Variants in EFCAB5 observed in about 807,000 individuals in gnomAD.
EFCAB5 encodes the protein EF-hand calcium binding domain 5.
EFCAB5 carries 131 observed loss-of-function variants against 167.9 expected under a neutral mutation model. That is an observed-to-expected ratio of 0.78 (90% CI 0.68 to 0.90). The LOEUF (loss-of-function observed/expected upper bound fraction) is 0.90. Ranked by LOEUF, EFCAB5 falls within the 40% of genes least tolerant of loss-of-function variation. EFCAB5 has a pLI of 0.00. For missense variants in EFCAB5, 1,663 were observed against 1,745.2 expected (o/e 0.95, Z 0.84); for synonymous variants, 574 against 602.8 (o/e 0.95, Z 0.70).
intron 7 of EFCAB5, among the ~76,000 whole-genome samples, chr17:30,013,184 T>A (rs1375153293): frequency 7.9e-5 from 12 of 152,240 alleles, no homozygotes; most frequent in Admixed American, 7.9e-4. Flanking sequence ...CTTTTTGATG[T>A]GCTGCTGGAT....
intron 4 of EFCAB5, among the ~76,000 whole-genome samples, chr17:29,990,198 G>A (rs577472618): frequency 7.9e-5 from 12 of 152,238 alleles, no homozygotes; most frequent in South Asian, 6.2e-4. Context: ...TAAATTGAGC[G>A]GGTTGAATTG....
intron 3 of EFCAB5, among the ~76,000 whole-genome samples, chr17:29,953,942 G>T (rs2151542597): frequency 6.6e-6 from 1 of 152,308 alleles, no homozygotes; most frequent in South Asian, 2.1e-4. Context: ...CTGGAGCAAA[G>T]GTGACTTGCT....
intron 14 of EFCAB5, chr17:30,073,669 T>C (rs977858950): frequency 2.4e-5 from 17 of 714,240 alleles, no homozygotes; most frequent in African/African-American, 2.3e-4. Flanking sequence ...AGTTTTTTCC[T>C]CTTGAGACCA....
chr17:30,002,402 C>A (rs975256219), intron 7 of EFCAB5, among the ~76,000 whole-genome samples: 4 of 152,158 alleles, frequency 2.6e-5, no homozygotes, highest in African/African-American at 9.7e-5. Flanking sequence ...AATTAAGATA[C>A]AAAACTATTT....
In EFCAB5 at chr17:30,056,091, T is replaced by A. The variant is rs1373151383; in HGVS notation, c.2300T>A (p.Met767Lys). ...SGEFFTCNWK[M>K]KYVTFEDEEQ... ...GAATTTTTTACTTGTAACTGGAAAATGAAGTATGTCACATTTGAAGATGAG... is the reference window on the plus strand; with the variant it reads ...GAATTTTTTACTTGTAACTGGAAAAAGAAGTATGTCACATTTGAAGATGAG... The change falls in exon 12 of 23, where the codon ATG becomes AAG. Residue 767 changes from methionine (M) to lysine (K), a missense_variant. Met to Lys is a moderately conservative substitution (Grantham distance 95). Coordinates refer to ENST00000394835, the MANE Select transcript of EFCAB5 (RefSeq NM_198529.4). 6.2e-7 allele frequency: 1 copy of A among 1,612,766 alleles called. No homozygotes were observed.
At chr17:29,994,133 A>AATATAT (rs55875315) in intron 5 of EFCAB5, among the ~76,000 whole-genome samples, 1,142 of 55,650 alleles carry the variant, frequency 0.021, 17 homozygotes, top group East Asian at 0.029. Context: ...AACAACAACA[A>AATATAT]ATATATATAT....
chr17:30,072,039 A>G (rs375975074), intron 14 of EFCAB5, among the ~76,000 whole-genome samples: 2 of 152,190 alleles, frequency 1.3e-5, no homozygotes, highest in South Asian at 2.1e-4. Flanking sequence ...AATGGATACA[A>G]AAGTACATCT....
chr17:29,944,598 TG>T (rs1343204630), intron 3 of EFCAB5, among the ~76,000 whole-genome samples: 18 of 151,626 alleles, frequency 1.2e-4, no homozygotes, highest in Middle Eastern at 3.4e-3. Context: ...GTTTTGTTGT[TG>T]TTTTTTTGTT....
intron 3 of EFCAB5, among the ~76,000 whole-genome samples, chr17:29,963,121 T>C (rs1567680601): frequency 1.3e-5 from 2 of 151,938 alleles, no homozygotes; most frequent in African/African-American, 2.4e-5. Flanking sequence ...CTTAAATTTT[T>C]TGTAGAGACA....
intron 3 of EFCAB5, among the ~76,000 whole-genome samples, chr17:29,964,691 T>C (rs561044241): frequency 3.3e-5 from 5 of 152,314 alleles, no homozygotes; most frequent in African/African-American, 9.6e-5. Context: ...TCTTTGCTAA[T>C]GTTTTTTTCA....
At chr17:30,098,155 G>A (rs2071330204) in intron 22 of EFCAB5, among the ~76,000 whole-genome samples, 1 of 151,816 alleles carries the variant, frequency 6.6e-6, no homozygotes, top group African/African-American at 2.4e-5. Context: ...GGCTAGTCTT[G>A]AACTCCTGAC....
At chr17:30,102,084 G>A (rs2071389552) in intron 22 of EFCAB5, among the ~76,000 whole-genome samples, 1 of 152,224 alleles carries the variant, frequency 6.6e-6, no homozygotes, top group South Asian at 2.1e-4. Flanking sequence ...AGAGGACAGA[G>A]AACATGGGTG....
intron 7 of EFCAB5, among the ~76,000 whole-genome samples, chr17:30,029,048 G>A (rs1184860620): frequency 6.6e-6 from 1 of 152,006 alleles, no homozygotes; most frequent in Non-Finnish European, 1.5e-5. Flanking sequence ...CTAAGCTATC[G>A]TTCACCATCA....
chr17:30,018,614 A>T (rs1176335186), intron 7 of EFCAB5, among the ~76,000 whole-genome samples: 1 of 152,080 alleles, frequency 6.6e-6, no homozygotes, highest in Non-Finnish European at 1.5e-5. Context: ...TTTCACCTGA[A>T]TTCACTGTGA....
chr17:30,059,852 T>C, intron 14 of EFCAB5, 151 bp downstream of exon 14: 1 of 551,014 alleles, frequency 1.8e-6, no homozygotes. Flanking sequence ...ATCTTATTTA[T>C]TTTTAATTTC....
At chr17:30,080,539 C>T (rs2070964594) in intron 16 of EFCAB5, among the ~76,000 whole-genome samples, 1 of 141,230 alleles carries the variant, frequency 7.1e-6, no homozygotes, top group Non-Finnish European at 1.5e-5. Flanking sequence ...TCTATGTCCA[C>T]ATCCAAGCTT....
intron 3 of EFCAB5, among the ~76,000 whole-genome samples, chr17:29,950,870 A>C (rs1481566877): frequency 1.3e-5 from 2 of 152,284 alleles, no homozygotes; most frequent in African/African-American, 4.8e-5. Flanking sequence ...GACTGTGCAG[A>C]TATTGCTTCC....
intron 1 of EFCAB5, among the ~76,000 whole-genome samples, chr17:29,936,598 AG>A (rs527320557): frequency 1.3e-5 from 2 of 152,358 alleles, no homozygotes; most frequent in Non-Finnish European, 2.9e-5. Context: ...TGTGATTTTC[AG>A]GGTCTCAGCT....
At chr17:29,991,007 C>T (rs543444048) in intron 4 of EFCAB5, among the ~76,000 whole-genome samples, 65 of 152,342 alleles carry the variant, frequency 4.3e-4, no homozygotes, top group African/African-American at 1.5e-3. Flanking sequence ...CAAACCTGCT[C>T]TGTCACCTCT....
Sources: gnomAD v4.1 joint callset for allele counts (sites outside exome capture counted in the v4.1 genomes callset) on GRCh38, gnomAD v4.1.1 for gene constraint, MANE v1.5 for transcripts, NCBI Gene and HGNC (gene_info 2026-07-23, HGNC 2026-07-21) for gene names.